SNX31: variants seen among roughly 807,000 people sequenced by gnomAD.
SNX31 encodes the protein sorting nexin-31.
A neutral mutation model predicts 65.4 loss-of-function variants in SNX31; 58 were observed. The ratio of observed to expected loss-of-function variants is 0.89; its 90% CI spans 0.72 to 1.10. The LOEUF is 1.10. Ranked by LOEUF, SNX31 falls within the 50% of genes least tolerant of loss-of-function variation. SNX31 has a pLI of 0.00. For missense variants in SNX31, 523 were observed against 529.7 expected, an observed-to-expected ratio of 0.99 and a Z score of 0.12; for synonymous variants, 181 against 190.1, an observed-to-expected ratio of 0.95 and a Z score of 0.39.
intron 12 of SNX31, among the ~76,000 whole-genome samples, chr8:100,581,319 C>CTATCTATATATATATATATATA (rs1813494288): frequency 4.9e-5 from 6 of 123,068 alleles, no homozygotes; most frequent in African/African-American, 2.4e-4. Flanking sequence ...TTTTATATAT[C>CTATCTATATATATATATATATA]TATATCTATC....
rs1814882714 is a variant in SNX31, at chr8:100,594,491, G to A, written c.978+2148C>T. On this transcript the variant is annotated intron_variant, in intron 10 of 13. Transcript: ENST00000311812. The surrounding 1 kb of genome is among the most constrained non-coding windows in gnomAD (Gnocchi z 4.0). Reference sequence around the variant, plus strand: ...CAATTCAAAAATGGGTAAAAGATATGAGAAGACATTTTACCAAAGAAGATA... The same window carrying A: ...CAATTCAAAAATGGGTAAAAGATATAAGAAGACATTTTACCAAAGAAGATA... Among the ~76,000 whole-genome samples the A allele has an allele frequency of 6.6e-6, 1 of 152,180 alleles. No individual in the cohort carries two copies. Among genetic ancestry groups the A allele is most frequent in the Admixed American group, 6.5e-5 (1 of 15,280 alleles).
At chr8:100,631,364 G>T (rs62513880) in intron 3 of SNX31, among the ~76,000 whole-genome samples, 3 of 151,118 alleles carry the variant, frequency 2.0e-5, no homozygotes, top group Admixed American at 2.0e-4. Flanking sequence ...TATATCCTGC[G>T]CTTCAGCTAC....
At chr8:100,607,095 A>AT (rs1208404252) in intron 8 of SNX31, among the ~76,000 whole-genome samples, 1 of 152,216 alleles carries the variant, frequency 6.6e-6, no homozygotes, top group Non-Finnish European at 1.5e-5. Context: ...AGGAAAAAGA[A>AT]CAAGGACATT....
chr8:100,589,285 G>C (rs1269985869), intron 10 of SNX31, among the ~76,000 whole-genome samples: 1 of 137,776 alleles, frequency 7.3e-6, no homozygotes, highest in African/African-American at 2.8e-5. Context: ...TGGGTGACAA[G>C]AGTGAGACTT....
rs1813094141 is a variant in SNX31, at chr8:100,576,956, G to T, written c.1227+63C>A. 1 of 1,342,518 alleles carries T rather than the reference G, an allele frequency of 7.4e-7. No homozygotes were observed. The allele number at this position is 1,342,518 out of a possible 1,614,324, so 83.2% of individuals were successfully genotyped here. A position where few individuals can be genotyped will look rare whatever the true frequency, so the allele number is the denominator to read the frequency against. On this transcript the variant is annotated intron_variant, in intron 13 of 13. Transcript: ENST00000311812. This position sits in a 1 kb window ranked among gnomAD's most constrained non-coding sequence, Gnocchi z 4.8. The stretch of plus-strand genomic sequence containing the variant: ...TGAAAGTGAGATGACTTTGGTTAAA[G>T]AGGAAAAAAGATCAGATTTATCAAA...
intron 7 of SNX31, among the ~76,000 whole-genome samples, chr8:100,611,661 G>A (rs1260995999): frequency 6.6e-6 from 1 of 152,078 alleles, no homozygotes. Context: ...GCTTAAGTGT[G>A]TCTCCTGCCT....
intron 1 of SNX31, among the ~76,000 whole-genome samples, chr8:100,661,143 T>A (rs1193918840): frequency 6.6e-6 from 1 of 151,988 alleles, no homozygotes; most frequent in Non-Finnish European, 1.5e-5. Flanking sequence ...GTAGCTGGAA[T>A]TACCGGCATG....
At chr8:100,581,311 T>TTATATATATATA (rs1554570412) in intron 12 of SNX31, among the ~76,000 whole-genome samples, 18 of 122,676 alleles carry the variant, frequency 1.5e-4, no homozygotes, top group African/African-American at 8.4e-4. Context: ...AAAAAATTTT[T>TTATATATATATA]TATATATCTA....
intron 1 of SNX31, among the ~76,000 whole-genome samples, chr8:100,661,131 G>A (rs146890241): frequency 6.6e-6 from 1 of 151,278 alleles, no homozygotes; most frequent in Non-Finnish European, 1.5e-5. Flanking sequence ...TCAGCCTCCC[G>A]AGTAGCTGGA....
chr8:100,616,109 TA>T (rs1226702564), intron 5 of SNX31, among the ~76,000 whole-genome samples: 1 of 152,104 alleles, frequency 6.6e-6, no homozygotes, highest in Non-Finnish European at 1.5e-5. Flanking sequence ...TACAGTAAAA[TA>T]TTGTATCATA....
intron 5 of SNX31, among the ~76,000 whole-genome samples, chr8:100,615,412 G>A (rs1355356155): frequency 1.3e-5 from 2 of 152,128 alleles, no homozygotes; most frequent in African/African-American, 4.8e-5. Flanking sequence ...TCGGGAACGT[G>A]AACTATTTCT....
At chr8:100,641,565 A>AAAAAAAAAAAAAAAAT (rs1554587369) in intron 2 of SNX31, among the ~76,000 whole-genome samples, 1 of 32,106 alleles carries the variant, frequency 3.1e-5, no homozygotes, top group African/African-American at 1.4e-4. Flanking sequence ...AAAAAAAAAA[A>AAAAAAAAAAAAAAAAT]ATATATATAT....
chr8:100,656,197 A>G (rs1393506159), intron 1 of SNX31, among the ~76,000 whole-genome samples: 1 of 152,204 alleles, frequency 6.6e-6, no homozygotes, highest in Non-Finnish European at 1.5e-5. Flanking sequence ...GCAGTGTCAA[A>G]AAGGATGGAT....
chr8:100,647,797 G>T (rs1421185359), intron 2 of SNX31, among the ~76,000 whole-genome samples: 2 of 152,108 alleles, frequency 1.3e-5, no homozygotes, highest in Non-Finnish European at 2.9e-5. Flanking sequence ...ACAGAGGAGG[G>T]TAGGAGAGGA....
intron 8 of SNX31, among the ~76,000 whole-genome samples, chr8:100,603,437 CTT>C (rs1441075561): frequency 1.4e-4 from 20 of 141,638 alleles, no homozygotes; most frequent in African/African-American, 1.5e-4. Context: ...GTTTCATTAC[CTT>C]TTTTTTTTTT....
chr8:100,639,653 T>C (rs184771256), intron 2 of SNX31, among the ~76,000 whole-genome samples: 304 of 148,998 alleles, frequency 2.0e-3, no homozygotes, highest in African/African-American at 7.2e-3. Context: ...TATTTATTCA[T>C]GTGTCTGTAT....
rs1322619033 is a variant in SNX31 at position 100,622,176 on chromosome 8, T to C, written c.322-4446A>G. On this transcript the variant is annotated intron_variant, in intron 4 of 13. Coordinates refer to ENST00000311812, the MANE Select transcript of SNX31 (RefSeq NM_152628.4). This position sits in a 1 kb window ranked among gnomAD's most constrained non-coding sequence, Gnocchi z 5.0. ...ATGTTGTTGGCTTTTTTTTCACGCT[T>C]AATTAGTTTAAAGCCAGGTTAGATG... Among the ~76,000 whole-genome samples, 2 of 152,208 alleles carry C rather than the reference T, an allele frequency of 1.3e-5. No individual in the cohort carries two copies. The highest frequency in any genetic ancestry group is 6.5e-5 in the Admixed American group (1 of 15,280).
chr8:100,649,683 C>A, upstream of SNX31: 1 of 549,990 alleles, frequency 1.8e-6, no homozygotes, highest in Non-Finnish European at 3.1e-6. Flanking sequence ...GGGCCGGGGC[C>A]GGGCCGCGCC....
At chr8:100,597,030 C>T (rs968710739) in intron 9 of SNX31, among the ~76,000 whole-genome samples, 188 bp from the exon 10 acceptor site, 1 of 152,134 alleles carries the variant, frequency 6.6e-6, no homozygotes. Context: ...ACCAGAAGCC[C>T]GGGGGAAATT....
Sources: allele counts gnomAD v4.1 joint callset (sites outside exome capture counted in the v4.1 genomes callset), GRCh38; gene constraint gnomAD v4.1.1; non-coding constraint Gnocchi (gnomAD v3.1); transcripts MANE v1.5; gene names NCBI Gene and HGNC (gene_info 2026-07-23, HGNC 2026-07-21).